ITGB5: variants seen among roughly 807,000 people sequenced by gnomAD.
ITGB5 encodes integrin beta-5.
Under a neutral mutation model 84.8 loss-of-function variants are expected in ITGB5, and 38 were observed. The ratio of observed to expected loss-of-function variants is 0.45; its 90% CI spans 0.35 to 0.59. The LOEUF is 0.59. Among genes scored for constraint, ITGB5 ranks in the 20% least tolerant of loss-of-function variants. The probability of loss-of-function intolerance (pLI) is 0.01; values close to 1 mark genes in which losing one functional copy is unlikely to be tolerated. For synonymous variants in ITGB5, 393 were observed against 414.4 expected (o/e 0.95, Z 0.63); for missense variants, 905 against 1,034.5 (o/e 0.87, Z 1.72).
intron 7 of ITGB5, 94 bp downstream of exon 7, chr3:124,819,645 T>A (rs999766573): frequency 1.2e-5 from 11 of 887,528 alleles, no homozygotes; most frequent in Non-Finnish European, 1.7e-5. Context: ...ATTCCACCCC[T>A]CCTTTGAATT....
chr3:124,835,381 A>G (rs1261288463), intron 5 of ITGB5, among the ~76,000 whole-genome samples: 1 of 152,248 alleles, frequency 6.6e-6, no homozygotes, highest in Non-Finnish European at 1.5e-5. Flanking sequence ...TCTGCCACAT[A>G]GAAAGCCAAG....
intron 9 of ITGB5, among the ~76,000 whole-genome samples, chr3:124,801,296 G>T (rs1360631348): frequency 6.6e-6 from 1 of 152,200 alleles, no homozygotes. Context: ...AGGATAAAGG[G>T]AGGAAAATTA....
intron 10 of ITGB5, among the ~76,000 whole-genome samples, chr3:124,777,835 T>C (rs2063946630): frequency 1.3e-5 from 2 of 152,224 alleles, no homozygotes; most frequent in African/African-American, 4.8e-5. Context: ...CCAATCCAAA[T>C]GTCTCAGCTC....
intron 3 of ITGB5, among the ~76,000 whole-genome samples, chr3:124,852,735 T>A (rs989421378): frequency 1.3e-5 from 2 of 152,204 alleles, no homozygotes; most frequent in Non-Finnish European, 2.9e-5. Flanking sequence ...TCACCCAGGC[T>A]AGAGTACAGT....
Position 124,763,462 on chromosome 3 carries a change from C to T in ITGB5, c.*161G>A. 1.9e-6 allele frequency: 1 copy of T among 530,028 alleles called. No individual in the cohort carries two copies. Among genetic ancestry groups the T allele is most frequent in the Non-Finnish European group, 3.4e-6 (1 of 294,606 alleles). 32.8% of individuals were successfully genotyped at this position (530,028 alleles called of 1,614,324 possible). On this transcript the variant is annotated 3_prime_UTR_variant, in exon 15 of 15. Transcript: ENST00000296181. ...AGCAGCCAGGTGACATGGCCAGGCACCTTCCTGTACAGGCACTGTGGGCTC... is the reference window on the plus strand; with the variant it reads ...AGCAGCCAGGTGACATGGCCAGGCATCTTCCTGTACAGGCACTGTGGGCTC...
intron 1 of ITGB5, among the ~76,000 whole-genome samples, chr3:124,877,819 G>A (rs1435038136): frequency 6.6e-6 from 1 of 151,436 alleles, no homozygotes; most frequent in Non-Finnish European, 1.5e-5. Context: ...GAGGTCAAAG[G>A]CCTCACGTAG....
At position 124,796,651 on chromosome 3, in the gene ITGB5, T is replaced by C. The variant is rs2291087; in HGVS notation, c.1430A>G (p.Asn477Ser). The C allele has an allele frequency of 0.037, 59,634 of 1,613,950 alleles. 1,516 individuals carry two copies. The highest frequency in any genetic ancestry group is 0.092 in the South Asian group (8,350 of 91,062). The change falls in exon 10 of 15, where the codon AAC becomes AGC. Residue 477 changes from asparagine to serine, a missense_variant. Coordinates refer to ENST00000296181, the MANE Select transcript of ITGB5 (RefSeq NM_002213.5). ...VGLEPNSARC[N>S]GSGTYVCGLC... is the part of the protein sequence containing the mutation. ...GCCGCAGACATAGGTCCCGCTCCCG[T>C]TGCACCTGGCGCTGTTGGGTTCCAG... is the stretch of plus-strand genomic sequence containing the variant.
At chr3:124,867,357 C>G (rs1023038818) in intron 2 of ITGB5, among the ~76,000 whole-genome samples, 1 of 152,232 alleles carries the variant, frequency 6.6e-6, no homozygotes, top group African/African-American at 2.4e-5. Flanking sequence ...CAGCCTGGTA[C>G]TGCCCACAGC....
intron 10 of ITGB5, chr3:124,780,569 C>T (rs2063988929): frequency 6.6e-6 from 1 of 152,550 alleles, no homozygotes; most frequent in South Asian, 2.1e-4. Flanking sequence ...AGAGGGAGGA[C>T]TGGGCTCAGC....
chr3:124,771,258 G>A (rs571508645), intron 11 of ITGB5, among the ~76,000 whole-genome samples: 1 of 152,248 alleles, frequency 6.6e-6, no homozygotes, highest in African/African-American at 2.4e-5. Flanking sequence ...TCCAGAAAAC[G>A]AAGACTGGCT....
At chr3:124,768,040 A>T (rs1437849079) in intron 12 of ITGB5, among the ~76,000 whole-genome samples, 1 of 152,246 alleles carries the variant, frequency 6.6e-6, no homozygotes, top group Non-Finnish European at 1.5e-5. Context: ...ACTGCACTCC[A>T]GCCTGGGTGA....
At chr3:124,824,908 G>A (rs2064761495) in intron 5 of ITGB5, among the ~76,000 whole-genome samples, 1 of 152,202 alleles carries the variant, frequency 6.6e-6, no homozygotes, top group Non-Finnish European at 1.5e-5. Flanking sequence ...TGATAAAAAT[G>A]TGGAACGAGG....
intron 1 of ITGB5, among the ~76,000 whole-genome samples, chr3:124,874,160 GA>G (rs1431015742): frequency 7.9e-5 from 12 of 151,492 alleles, no homozygotes; most frequent in Admixed American, 7.9e-4. Context: ...TTGAGCCTAG[GA>G]GTCTGAAACC....
At chr3:124,792,520 C>T (rs892752962) in intron 10 of ITGB5, 1 of 152,238 alleles carries the variant, frequency 6.6e-6, no homozygotes, top group African/African-American at 2.4e-5. Context: ...CAAATTACTC[C>T]TGGTCACCAA....
chr3:124,862,517 A>C (rs534734606), intron 2 of ITGB5: 2 of 152,334 alleles, frequency 1.3e-5, no homozygotes, highest in East Asian at 3.9e-4. Flanking sequence ...ATCATTGCAG[A>C]AGAACTTGTA....
Position 124,896,763 on chromosome 3 carries a change from A to T in ITGB5, c.-255+4503T>A, listed in dbSNP as rs572398071. On this transcript the variant is annotated intron_variant, in intron 1 of 4. Transcript: ENST00000608657. ...CCTTGTCTTAAAAAAAAAAAAAAAAAGGGAGAAGAAGAAGCTGGGCATGCA... is the reference window on the plus strand; with the variant it reads ...CCTTGTCTTAAAAAAAAAAAAAAAATGGGAGAAGAAGAAGCTGGGCATGCA... Among the ~76,000 whole-genome samples, 48 of 145,150 alleles carry T rather than the reference A, an allele frequency of 3.3e-4. 1 individual carries two copies. Among genetic ancestry groups the T allele is most frequent in the Non-Finnish European group, 5.6e-4 (37 of 65,702 alleles).
At chr3:124,803,651 C>G (rs1320615927) in intron 9 of ITGB5, among the ~76,000 whole-genome samples, 2 of 152,188 alleles carry the variant, frequency 1.3e-5, no homozygotes, top group Non-Finnish European at 2.9e-5. Flanking sequence ...ATCCTCAAAT[C>G]CCAGGCTGCC....
intron 4 of ITGB5, among the ~76,000 whole-genome samples, chr3:124,846,713 C>A (rs183294275): frequency 5.9e-5 from 9 of 152,088 alleles, no homozygotes; most frequent in African/African-American, 2.2e-4. Context: ...GTGGATGGGT[C>A]GCTTGACGTC....
chr3:124,823,279 T>A (rs555087190), intron 5 of ITGB5, among the ~76,000 whole-genome samples: 2 of 149,532 alleles, frequency 1.3e-5, no homozygotes, highest in East Asian at 3.9e-4. Flanking sequence ...AATAAATAAA[T>A]AAAAATAAAA....
Sources: gnomAD v4.1 joint callset for allele counts (sites outside exome capture counted in the v4.1 genomes callset) on GRCh38, gnomAD v4.1.1 for gene constraint, MANE v1.5 for transcripts, NCBI Gene and HGNC (gene_info 2026-07-23, HGNC 2026-07-21) for gene names.